The following ZNF521 variants were observed in gnomAD, a reference collection of about 807,000 sequenced individuals.
ZNF521 encodes zinc finger protein 521.
ZNF521 carries 14 observed loss-of-function variants against 105.5 expected under a neutral mutation model. That is an observed-to-expected ratio of 0.13 (90% CI 0.09 to 0.21). The LOEUF (loss-of-function observed/expected upper bound fraction) is 0.21. Ranked by LOEUF, ZNF521 falls within the 10% of genes least tolerant of loss-of-function variation. The pLI, the probability that ZNF521 is intolerant of heterozygous loss-of-function variation, is 1.00. For synonymous variants in ZNF521, 635 were observed against 606.0 expected (o/e 1.05, Z -0.70); for missense variants, 1,233 against 1,629.7 (o/e 0.76, Z 4.19).
chr18:25,062,141 G>A lies in ZNF521; in HGVS notation c.*571C>T, dbSNP rs1434714505. The A allele has an allele frequency of 4.9e-6, 1 of 203,012 alleles. No homozygotes were observed. The highest frequency in any genetic ancestry group is 2.3e-5 in the African/African-American group (1 of 43,660). 12.6% of individuals were successfully genotyped at this position (203,012 alleles called of 1,614,324 possible). ...TTTGACAGTCTACATAACAACTATT[G>A]CATATATAGTGATGCTACCTGTCAC... On this transcript the variant is annotated 3_prime_UTR_variant, in exon 8 of 8. Transcript: ENST00000361524.
chr18:25,108,629 A>C (rs150826494), intron 5 of ZNF521, among the ~76,000 whole-genome samples: 2 of 152,020 alleles, frequency 1.3e-5, no homozygotes, highest in East Asian at 3.9e-4. Context: ...TAGAAATTTG[A>C]TATTTCTTTT....
chr18:25,292,944 A>C (rs1277046500), intron 3 of ZNF521, among the ~76,000 whole-genome samples: 1 of 152,186 alleles, frequency 6.6e-6, no homozygotes, highest in Non-Finnish European at 1.5e-5. Flanking sequence ...TGCTCTCCTC[A>C]TACTGTAGGA....
chr18:25,067,570 A>C (rs1378480200), intron 7 of ZNF521, among the ~76,000 whole-genome samples: 1 of 152,226 alleles, frequency 6.6e-6, no homozygotes, highest in Non-Finnish European at 1.5e-5. Context: ...ATGCAATCCA[A>C]GAAAAATATT....
chr18:25,173,759 A>C (rs1394270106), intron 5 of ZNF521, among the ~76,000 whole-genome samples: 1 of 152,206 alleles, frequency 6.6e-6, no homozygotes, highest in East Asian at 1.9e-4. Flanking sequence ...AAATTTAAGA[A>C]AAAAGGGGTC....
At chr18:25,310,757 A>G (rs1912260724) in intron 3 of ZNF521, among the ~76,000 whole-genome samples, 2 of 152,096 alleles carry the variant, frequency 1.3e-5, no homozygotes, top group Admixed American at 6.6e-5. Context: ...AAGCACTATG[A>G]TTCTACATTC....
At chr18:25,340,313 C>G (rs1457426415) in intron 2 of ZNF521, among the ~76,000 whole-genome samples, 1 of 152,086 alleles carries the variant, frequency 6.6e-6, no homozygotes, top group Non-Finnish European at 1.5e-5. Context: ...CAAGATAGCA[C>G]CACTACACTC....
At chr18:25,256,020 G>GGT (rs1908472626) in intron 3 of ZNF521, among the ~76,000 whole-genome samples, 1 of 145,942 alleles carries the variant, frequency 6.9e-6, no homozygotes, top group Non-Finnish European at 1.5e-5. Flanking sequence ...ATATATATAT[G>GGT]GTATATATAT....
chr18:25,224,287 A>G (rs1905938791), intron 4 of ZNF521, 58 bp downstream of exon 4: 4 of 1,453,288 alleles, frequency 2.8e-6, no homozygotes, highest in Non-Finnish European at 3.8e-6. Flanking sequence ...GTGTAAACAT[A>G]AAGCAGGGAC....
At chr18:25,115,503 A>G (rs550942661) in intron 5 of ZNF521, among the ~76,000 whole-genome samples, 38 of 152,306 alleles carry the variant, frequency 2.5e-4, no homozygotes, top group African/African-American at 8.9e-4. Context: ...TCTTATACCT[A>G]TGGCAGGGCA....
intron 5 of ZNF521, among the ~76,000 whole-genome samples, chr18:25,133,668 T>G (rs1369107472): frequency 1.3e-5 from 2 of 152,200 alleles, no homozygotes; most frequent in Non-Finnish European, 2.9e-5. Context: ...ACACTATAGT[T>G]TTACCTCCTG....
chr18:25,137,740 A>G (rs976271113), intron 5 of ZNF521, among the ~76,000 whole-genome samples: 2 of 152,152 alleles, frequency 1.3e-5, no homozygotes, highest in Non-Finnish European at 2.9e-5. Context: ...TTGGGGAAGA[A>G]CTGGGACAGA....
At chr18:25,173,084 T>C (rs1240429622) in intron 5 of ZNF521, among the ~76,000 whole-genome samples, 3 of 152,236 alleles carry the variant, frequency 2.0e-5, no homozygotes, top group Non-Finnish European at 4.4e-5. Context: ...TAATTAGCAA[T>C]AATGCATTAG....
chr18:25,265,822 G>A (rs1909213872), intron 3 of ZNF521, among the ~76,000 whole-genome samples: 1 of 152,016 alleles, frequency 6.6e-6, no homozygotes, highest in Admixed American at 6.6e-5. Flanking sequence ...AATAATATGT[G>A]GTATGTATAC....
intron 7 of ZNF521, among the ~76,000 whole-genome samples, chr18:25,087,987 C>T (rs2144200227): frequency 6.6e-6 from 1 of 152,234 alleles, no homozygotes; most frequent in East Asian, 1.9e-4. Flanking sequence ...AATCTCGTTT[C>T]ATCAGGGCCC....
chr18:25,215,755 T>C (rs1257573388), intron 4 of ZNF521, among the ~76,000 whole-genome samples: 1 of 152,078 alleles, frequency 6.6e-6, no homozygotes, highest in African/African-American at 2.4e-5. Context: ...AATTCAATAA[T>C]GGGGGCAATG....
chr18:25,265,251 T>C (rs1424694254), intron 3 of ZNF521, among the ~76,000 whole-genome samples: 1 of 152,238 alleles, frequency 6.6e-6, no homozygotes, highest in African/African-American at 2.4e-5. Context: ...AGGTGTTGAC[T>C]GTTGGGAACA....
intron 7 of ZNF521, among the ~76,000 whole-genome samples, chr18:25,072,853 A>G (rs9957365): frequency 0.28 from 42,811 of 152,090 alleles, 6,272 homozygotes; most frequent in South Asian, 0.35. Flanking sequence ...TCCATGTGCC[A>G]GTTGTTGCTA....
intron 5 of ZNF521, among the ~76,000 whole-genome samples, chr18:25,110,362 G>A (rs1195035829): frequency 6.6e-6 from 1 of 151,984 alleles, no homozygotes; most frequent in Non-Finnish European, 1.5e-5. Flanking sequence ...CATCCTGCCT[G>A]ATCCAAAATC....
intron 3 of ZNF521, among the ~76,000 whole-genome samples, chr18:25,289,481 G>A (rs1910888192): frequency 6.6e-6 from 1 of 152,174 alleles, no homozygotes; most frequent in African/African-American, 2.4e-5. Flanking sequence ...TTGCATGCTT[G>A]CAGGGCTTCT....
Sources: allele counts gnomAD v4.1 joint callset (sites outside exome capture counted in the v4.1 genomes callset), GRCh38; gene constraint gnomAD v4.1.1; transcripts MANE v1.5; gene names NCBI Gene and HGNC (gene_info 2026-07-23, HGNC 2026-07-21).